Variants in ZNF124 observed in about 807,000 individuals in gnomAD.
The protein encoded by ZNF124 is zinc finger protein 124.
A neutral mutation model predicts 26.6 loss-of-function variants in ZNF124; 25 were observed. The observed-to-expected ratio is 0.94, with a 90% CI of 0.68 to 1.31. ZNF124 has a LOEUF of 1.31. Among genes scored for constraint, ZNF124 ranks in the 40% most tolerant of loss-of-function variants. The pLI is 0.00. For synonymous variants in ZNF124, 129 were observed against 133.3 expected, an observed-to-expected ratio of 0.97 and a Z score of 0.22; for missense variants, 444 against 422.2, an observed-to-expected ratio of 1.05 and a Z score of -0.45.
chr1:247,130,412 G>C (rs1008235330), intron 3 of ZNF124, among the ~76,000 whole-genome samples: 1 of 152,122 alleles, frequency 6.6e-6, no homozygotes, highest in Non-Finnish European at 1.5e-5. Flanking sequence ...AGAAAAATAC[G>C]TTTTCACAAG....
At chr1:247,125,753 G>C (rs888605824) in intron 3 of ZNF124, among the ~76,000 whole-genome samples, 1 of 152,188 alleles carries the variant, frequency 6.6e-6, no homozygotes, top group Non-Finnish European at 1.5e-5. Flanking sequence ...TGGGAATGCA[G>C]TGGTATCTCA....
intron 1 of ZNF124, among the ~76,000 whole-genome samples, chr1:247,171,132 C>T (rs553737630): frequency 1.5e-3 from 5 of 3,390 alleles, no homozygotes; most frequent in Admixed American, 3.6e-3. Context: ...GAACCATCCA[C>T]CTAAATAATC....
exon 4 of ZNF124, chr1:247,122,037 A>G (rs1335832660): frequency 6.6e-6 from 1 of 152,258 alleles, no homozygotes; most frequent in Non-Finnish European, 1.5e-5. Context: ...GAAACCAGTG[A>G]AGCATGCCAT....
At chr1:247,153,454 G>A (rs1045734926), downstream of ZNF124, among the ~76,000 whole-genome samples, 3 of 152,156 alleles carry the variant, frequency 2.0e-5, no homozygotes, top group African/African-American at 4.8e-5. Context: ...CTGAAGTCAC[G>A]GAGTGCCTTT....
At chr1:247,167,145 A>G (rs573485149) in intron 1 of ZNF124, among the ~76,000 whole-genome samples, 5 of 152,304 alleles carry the variant, frequency 3.3e-5, no homozygotes, top group Non-Finnish European at 5.9e-5. Context: ...AGTATGAAAA[A>G]CCAGCACTAA....
intron 3 of ZNF124, chr1:247,123,989 C>T (rs547522806): frequency 5.7e-5 from 39 of 685,802 alleles, no homozygotes; most frequent in African/African-American, 8.8e-5. Context: ...CCACCACGCC[C>T]GGCTAATTTT....
chr1:247,163,835 T>C (rs4925766), intron 1 of ZNF124, among the ~76,000 whole-genome samples: 17,442 of 151,732 alleles, frequency 0.11, 1,284 homozygotes, highest in African/African-American at 0.19. Flanking sequence ...CATACAACAA[T>C]GAAAAAGAAA....
chr1:247,141,566 G>A lies in ZNF124; in HGVS notation c.218+17440C>T, dbSNP rs187172439. Among the ~76,000 whole-genome samples the A allele has an allele frequency of 5.5e-3, 844 of 152,282 alleles. 6 individuals are homozygous for A. The highest frequency in any genetic ancestry group is 9.2e-3 in the Non-Finnish European group (627 of 68,008). On this transcript the variant is annotated intron_variant, in intron 3 of 3. Transcript: ENST00000472531. The stretch of plus-strand genomic sequence containing the variant: ...TTTCTTCCCCAGACCAAAGGCAGCA[G>A]GGATAGAACTATTACTGTGGCAATG...
rs569117278 is a variant in ZNF124, at chr1:247,161,172, T to G, written c.31-1359A>C. Among the ~76,000 whole-genome samples the G allele has an allele frequency of 2.0e-5, 3 of 152,286 alleles. No individual in the cohort carries two copies. In the South Asian group the frequency reaches 6.2e-4, roughly 32 times the overall value. ...AGTGTGATGGTTTGCCTAATACACA[T>G]CAATGATTTTCAAATATAATATTCA... On this transcript the variant is annotated intron_variant, in intron 1 of 3. Transcript: ENST00000543802.
chr1:247,146,273 C>T (rs920562280), intron 3 of ZNF124, among the ~76,000 whole-genome samples: 1 of 152,224 alleles, frequency 6.6e-6, no homozygotes, highest in Non-Finnish European at 1.5e-5. Context: ...CATAAAATTT[C>T]CACCAAAGAT....
downstream of ZNF124, among the ~76,000 whole-genome samples, chr1:247,153,288 G>A (rs1183763995): frequency 6.6e-6 from 1 of 152,098 alleles, no homozygotes; most frequent in East Asian, 1.9e-4. Context: ...CATCACTGTT[G>A]TGATGAGCAG....
chr1:247,159,510 A>G (rs557081868), intron 2 of ZNF124, among the ~76,000 whole-genome samples, 177 bp downstream of exon 2: 11 of 152,324 alleles, frequency 7.2e-5, no homozygotes, highest in African/African-American at 2.6e-4. Flanking sequence ...AGGATCAGGT[A>G]TTCTGTTATC....
intron 3 of ZNF124, chr1:247,138,611 A>G: frequency 2.5e-6 from 1 of 396,050 alleles, no homozygotes; most frequent in Non-Finnish European, 4.5e-6. Flanking sequence ...AAACATAAAA[A>G]TTCTGGACTA....
chr1:247,133,683 T>C (rs1388043314), intron 3 of ZNF124, among the ~76,000 whole-genome samples: 1 of 145,606 alleles, frequency 6.9e-6, no homozygotes, highest in Non-Finnish European at 1.5e-5. Context: ...AGATGGAGTC[T>C]CACTCTGTCA....
intron 3 of ZNF124, among the ~76,000 whole-genome samples, chr1:247,135,187 AAAGAACTAAGAT>A (rs1382985928): frequency 6.6e-6 from 1 of 152,082 alleles, no homozygotes; most frequent in African/African-American, 2.4e-5. Flanking sequence ...AGAAGACAAG[AAAGAACTAAGAT>A]AAGAACTGAA....
chr1:247,147,477 G>A (rs1572071125), intron 3 of ZNF124, among the ~76,000 whole-genome samples: 1 of 152,038 alleles, frequency 6.6e-6, no homozygotes, highest in East Asian at 1.9e-4. Flanking sequence ...CACACGGCTC[G>A]GCCTCCCAAA....
downstream of ZNF124, among the ~76,000 whole-genome samples, chr1:247,152,158 T>C (rs1279913599): frequency 6.6e-6 from 1 of 151,166 alleles, no homozygotes. Context: ...TCTTTAAATA[T>C]TTTAAATACA....
In ZNF124 at chr1:247,168,973, C is replaced by T. The variant is rs891938134; in HGVS notation, c.30+2875G>A. On this transcript the variant is annotated intron_variant, in intron 1 of 3. Coordinates refer to ENST00000543802, the MANE Select transcript of ZNF124 (RefSeq NM_001297568.2). The surrounding 1 kb of genome is among the most constrained non-coding windows in gnomAD (Gnocchi z 4.0). ...TATCCTTGTAACCAAAAACCACCTG[C>T]TACCCCAAATGTATTGATATAACAT... Among the ~76,000 whole-genome samples the T allele has an allele frequency of 1.3e-5, 2 of 151,948 alleles. No homozygotes were observed. Among genetic ancestry groups the T allele is most frequent in the Admixed American group, 1.3e-4 (2 of 15,256 alleles).
At chr1:247,125,665 C>T (rs1309387108) in intron 3 of ZNF124, among the ~76,000 whole-genome samples, 1 of 87,240 alleles carries the variant, frequency 1.1e-5, no homozygotes, top group Non-Finnish European at 2.5e-5. Context: ...CTCCTGACCT[C>T]GTGATCGGCG....
Sources: gnomAD v4.1 joint callset for allele counts (sites outside exome capture counted in the v4.1 genomes callset) on GRCh38, gnomAD v4.1.1 for gene constraint, Gnocchi (gnomAD v3.1) non-coding constraint, MANE v1.5 for transcripts, NCBI Gene and HGNC (gene_info 2026-07-23, HGNC 2026-07-21) for gene names.